Variants in PARD3 observed in about 807,000 individuals in gnomAD.
The protein encoded by PARD3 is partitioning defective 3 homolog.
Under a neutral mutation model 155.4 loss-of-function variants are expected in PARD3, and 75 were observed. The observed-to-expected ratio is 0.48, with a 90% CI of 0.40 to 0.58. The LOEUF is 0.58. Among genes scored for constraint, PARD3 ranks in the 20% least tolerant of loss-of-function variants. The probability of loss-of-function intolerance (pLI) is 0.00; values close to 1 mark genes in which losing one functional copy is unlikely to be tolerated. For synonymous variants in PARD3, 576 were observed against 610.5 expected, an observed-to-expected ratio of 0.94 and a Z score of 0.83; for missense variants, 1,642 against 1,721.7, an observed-to-expected ratio of 0.95 and a Z score of 0.82.
In PARD3 at chr10:34,111,558, T is replaced by A; in HGVS notation, c.3673A>T (p.Ser1225Cys). The change falls in exon 25 of 25, where the codon AGC (serine) becomes TGC (cysteine). Residue 1225 changes from serine to cysteine, a missense_variant. By Grantham distance (112) the Ser-to-Cys change is moderately radical. Transcript: ENST00000374788. The part of the protein sequence containing the change: ...QRQYSSLPRQ[S>C]RKNASSVSQD... Reference sequence around the variant, plus strand: ...GAGACCGAGCTGGCATTTTTCCTGCTTTGCCTAGAAAGCAAAACCCAAAGG... The same window carrying A: ...GAGACCGAGCTGGCATTTTTCCTGCATTGCCTAGAAAGCAAAACCCAAAGG... 1 of 1,593,206 alleles carries A rather than the reference T, an allele frequency of 6.3e-7. No individual in the cohort carries two copies.
chr10:34,783,330 C>T (rs560994034), intron 1 of PARD3, among the ~76,000 whole-genome samples: 58 of 152,174 alleles, frequency 3.8e-4, no homozygotes, highest in Admixed American at 8.5e-4. Flanking sequence ...CTCGGCCAGG[C>T]ACAGTGGCTC....
chr10:34,631,696 T>G (rs771948593), intron 2 of PARD3, among the ~76,000 whole-genome samples: 1 of 152,212 alleles, frequency 6.6e-6, no homozygotes, highest in Non-Finnish European at 1.5e-5. Context: ...CTCAACCTCC[T>G]GCACTCAAGC....
chr10:34,224,620 T>C (rs1952494146), intron 22 of PARD3, among the ~76,000 whole-genome samples: 6 of 152,184 alleles, frequency 3.9e-5, no homozygotes, highest in Admixed American at 3.9e-4. Flanking sequence ...TTAGGTGCCA[T>C]AACAGGAAGT....
intron 1 of PARD3, among the ~76,000 whole-genome samples, chr10:34,740,401 T>C (rs533250344): frequency 6.6e-6 from 1 of 152,360 alleles, no homozygotes; most frequent in African/African-American, 2.4e-5. Flanking sequence ...CATATCCTTC[T>C]GATGCCACCT....
chr10:34,663,420 C>T (rs1049161176), intron 2 of PARD3, among the ~76,000 whole-genome samples: 2 of 151,694 alleles, frequency 1.3e-5, no homozygotes, highest in East Asian at 2.0e-4. Flanking sequence ...GAGAGGAGAT[C>T]GCACCATTGC....
intron 2 of PARD3, among the ~76,000 whole-genome samples, chr10:34,638,139 T>C (rs899442619): frequency 1.3e-5 from 2 of 152,170 alleles, no homozygotes; most frequent in East Asian, 1.9e-4. Context: ...GGCTGTGTGA[T>C]TCTCCACTTC....
chr10:34,685,129 T>A (rs1253395147), intron 2 of PARD3, among the ~76,000 whole-genome samples: 1 of 152,190 alleles, frequency 6.6e-6, no homozygotes, highest in African/African-American at 2.4e-5. Context: ...TTTTAATTTA[T>A]TCCATTTAAT....
intron 1 of PARD3, among the ~76,000 whole-genome samples, chr10:34,761,482 G>A (rs546266795): frequency 5.9e-5 from 9 of 152,196 alleles, no homozygotes; most frequent in Admixed American, 1.3e-4. Flanking sequence ...CTGGTATCTA[G>A]GCTAGTTTAA....
rs1049366572 is a variant in PARD3, at chr10:34,341,755, A to T, written c.2280T>A (p.Asp760Glu). The change falls in exon 16 of 25, where the codon GAT becomes GAA. Residue 760 changes from aspartate to glutamate, a missense_variant. Around this residue, in one of 3 missense-constraint regions of PARD3, gnomAD observed 1,529 missense variants for 1,587.3 expected, o/e 0.96. Transcript: ENST00000374788. The stretch of plus-strand genomic sequence containing the variant: ...GTGGAGGAAGCACTGGCAACCTGTC[A>T]TCTTCTATAATGACAGTGTCATCTT... ...MPQDDTVIIEDDRLPVLPPHL... is the reference protein window; with the variant it reads ...MPQDDTVIIEEDRLPVLPPHL... 1.1e-5 allele frequency: 17 copies of T among 1,613,496 alleles called. No homozygotes were observed. Among genetic ancestry groups the T allele is most frequent in the African/African-American group, 1.3e-5 (1 of 74,904 alleles).
At chr10:34,118,789 C>T (rs1419901565) in intron 24 of PARD3, among the ~76,000 whole-genome samples, 2 of 152,190 alleles carry the variant, frequency 1.3e-5, no homozygotes, top group Admixed American at 6.5e-5. Context: ...TCTTTTCCCA[C>T]TTAAAATATG....
At position 34,761,261 on chromosome 10, in the gene PARD3, A is replaced by C. The variant is rs78818308; in HGVS notation, c.120+53615T>G. 7.8e-3 allele frequency among the ~76,000 whole-genome samples: 1,191 copies of C among 152,110 alleles called. 16 individuals carry two copies. The highest frequency in any genetic ancestry group is 0.028 in the African/African-American group (1,145 of 41,482). On this transcript the variant is annotated intron_variant, in intron 1 of 24. Transcript: ENST00000374788. ...TTCCATCTCTACTAAAAATACAAAA[A>C]TTAGCCAGGTGTGGTTGCGTGTACC...
At chr10:34,180,885 G>C (rs1950238402) in intron 22 of PARD3, among the ~76,000 whole-genome samples, 1 of 152,022 alleles carries the variant, frequency 6.6e-6, no homozygotes, top group Non-Finnish European at 1.5e-5. Context: ...AAACAGAACT[G>C]CAAACAGAAG....
intron 22 of PARD3, among the ~76,000 whole-genome samples, chr10:34,174,832 T>C (rs1192412398): frequency 6.6e-6 from 1 of 152,212 alleles, no homozygotes; most frequent in Non-Finnish European, 1.5e-5. Context: ...TGGTTGTATA[T>C]ATGATTTTAC....
chr10:34,445,714 A>G (rs1407296812), intron 5 of PARD3, among the ~76,000 whole-genome samples: 2 of 152,138 alleles, frequency 1.3e-5, no homozygotes, highest in Non-Finnish European at 2.9e-5. Context: ...TTATATCTTT[A>G]TGATATAATT....
chr10:34,264,956 G>T (rs1564530942), intron 22 of PARD3, among the ~76,000 whole-genome samples: 1 of 152,080 alleles, frequency 6.6e-6, no homozygotes, highest in Non-Finnish European at 1.5e-5. Context: ...TCACTTTGTT[G>T]CCTAGGCTGG....
intron 22 of PARD3, among the ~76,000 whole-genome samples, chr10:34,153,201 C>T (rs1948856881): frequency 6.6e-6 from 1 of 152,148 alleles, no homozygotes; most frequent in Admixed American, 6.5e-5. Context: ...GCCTTAAACT[C>T]CTGGGATCAG....
At chr10:34,381,938 A>AAAAGAAAG (rs1254829819) in intron 9 of PARD3, among the ~76,000 whole-genome samples, 13 of 133,854 alleles carry the variant, frequency 9.7e-5, no homozygotes, top group Middle Eastern at 3.7e-3. Context: ...AAAAAAAAAA[A>AAAAGAAAG]AAAGAAAGAA....
At chr10:34,607,254 C>A (rs2090540146) in intron 2 of PARD3, among the ~76,000 whole-genome samples, 1 of 152,158 alleles carries the variant, frequency 6.6e-6, no homozygotes, top group South Asian at 2.1e-4. Context: ...CAGATAAATG[C>A]ACAACACAGG....
Position 34,399,341 on chromosome 10 carries a change from A to G in PARD3, c.879T>C (p.Ala293=). Residue 293 remains alanine (A), a synonymous_variant, in exon 7 of 25, where the codon GCT becomes GCC. Transcript: ENST00000374788. ...CCAAGATACGTTACCTGCCGCCTCG[A>G]GCACTGAAAGGCACTACGTGGATTC... ...PLGIHVVPFS[A]RGGRTLGLLV... 1.2e-6 allele frequency: 2 copies of G among 1,605,046 alleles called. No individual in the cohort carries two copies. The highest frequency in any genetic ancestry group is 1.7e-6 in the Non-Finnish European group (2 of 1,171,738).
Sources: gnomAD v4.1 joint callset for allele counts (sites outside exome capture counted in the v4.1 genomes callset) on GRCh38, gnomAD v4.1.1 for gene constraint, gnomAD v4.1.1 regional missense constraint, MANE v1.5 for transcripts, NCBI Gene and HGNC (gene_info 2026-07-23, HGNC 2026-07-21) for gene names.